The following DYNC2I1 variants were observed in gnomAD, a reference collection of about 807,000 sequenced individuals.
DYNC2I1 encodes cytoplasmic dynein 2 intermediate chain 1.
Under a neutral mutation model 133.4 loss-of-function variants are expected in DYNC2I1, and 89 were observed. The observed-to-expected ratio is 0.67, with a 90% CI of 0.56 to 0.80. DYNC2I1 has a LOEUF of 0.80. Among genes scored for constraint, DYNC2I1 ranks in the 30% least tolerant of loss-of-function variants. The pLI is 0.00. For missense variants in DYNC2I1, 1,291 were observed against 1,314.5 expected (o/e 0.98, Z 0.28); for synonymous variants, 504 against 484.3 (o/e 1.04, Z -0.54).
At chr7:158,874,068 A>G (rs1018673546) in intron 3 of DYNC2I1, among the ~76,000 whole-genome samples, 8 of 151,562 alleles carry the variant, frequency 5.3e-5, no homozygotes, top group Non-Finnish European at 1.2e-4. Context: ...CAGCACCTGG[A>G]TAATTAAAAA....
chr7:158,936,489 G>A (rs1850767548), intron 23 of DYNC2I1, among the ~76,000 whole-genome samples: 1 of 152,220 alleles, frequency 6.6e-6, no homozygotes, highest in Non-Finnish European at 1.5e-5. Context: ...TTAACTCATG[G>A]TTTGTGAAAG....
At chr7:158,843,463 T>C in the DYNC2I1 span, among the ~76,000 whole-genome samples, 1 of 152,230 alleles carries the variant, frequency 6.6e-6, no homozygotes, top group Non-Finnish European at 1.5e-5. Context: ...TTTTGCCATG[T>C]TGGCCAGGCT....
intron 11 of DYNC2I1, among the ~76,000 whole-genome samples, 152 bp downstream of exon 11, chr7:158,906,243 CTTATG>C (rs1846797768): frequency 6.6e-6 from 1 of 152,106 alleles, no homozygotes; most frequent in Non-Finnish European, 1.5e-5. Context: ...GTGTTGAGAT[CTTATG>C]TTAGTAGAGC....
chr7:158,946,671 G>A (rs2129490012), downstream of DYNC2I1, among the ~76,000 whole-genome samples: 1 of 152,376 alleles, frequency 6.6e-6, no homozygotes, highest in African/African-American at 2.4e-5. Flanking sequence ...GGCTTTGAAT[G>A]TTGGAGGGAC....
Position 158,934,802 on chromosome 7 carries a change from C to T in DYNC2I1, c.2778+253C>T, listed in dbSNP as rs576854621. 3.9e-5 allele frequency among the ~76,000 whole-genome samples: 6 copies of T among 152,234 alleles called. No homozygotes were observed. The South Asian group carries it at 1.2e-3, about 32-fold the overall frequency. On this transcript the variant is annotated intron_variant, in intron 23 of 24. Coordinates refer to ENST00000407559, the MANE Select transcript of DYNC2I1 (RefSeq NM_018051.5). The stretch of plus-strand genomic sequence containing the variant: ...ACGAGGTCTCCCTGTGTTGCCTAGG[C>T]TTGCCAGTTCTTTTTAGTGATACTC...
chr7:158,859,369 TTC>T (rs1490780223), intron 1 of DYNC2I1, among the ~76,000 whole-genome samples: 2 of 152,166 alleles, frequency 1.3e-5, no homozygotes, highest in African/African-American at 2.4e-5. Context: ...AACATTTTCT[TTC>T]TCTCCAGAAG....
intron 1 of DYNC2I1, among the ~76,000 whole-genome samples, chr7:158,865,926 A>C (rs1025376944): frequency 1.3e-5 from 2 of 152,188 alleles, no homozygotes; most frequent in Non-Finnish European, 2.9e-5. Flanking sequence ...ACTTGAGGGT[A>C]AACAGTCCAT....
intron 19 of DYNC2I1, among the ~76,000 whole-genome samples, 191 bp from the exon 20 acceptor site, chr7:158,926,801 C>A (rs1353358151): frequency 6.6e-6 from 1 of 152,190 alleles, no homozygotes; most frequent in Non-Finnish European, 1.5e-5. Context: ...GTGAAGAGAA[C>A]ACGAGGAGAT....
chr7:158,886,921 C>A, intron 6 of DYNC2I1, 100 bp from the exon 7 acceptor site: 2 of 1,135,576 alleles, frequency 1.8e-6, no homozygotes, highest in Non-Finnish European at 2.6e-6. Flanking sequence ...TTAATCATAT[C>A]AAAATATTGT....
intron 14 of DYNC2I1, among the ~76,000 whole-genome samples, chr7:158,916,018 G>A (rs1434100976): frequency 1.1e-5 from 1 of 89,796 alleles, no homozygotes; most frequent in Admixed American, 1.1e-4. Context: ...AAGGATGATT[G>A]TGAAACGTCT....
rs76115834 is a variant in DYNC2I1, at chr7:158,876,637, T to C, written c.519T>C (p.Asp173=). Residue 173 remains aspartate (D), a synonymous_variant, in exon 4 of 25, where the codon GAT becomes GAC. Coordinates refer to ENST00000407559, the MANE Select transcript of DYNC2I1 (RefSeq NM_018051.5). ...SVSKVRSEEK[D]EDSERGDEDR... Reference sequence around the variant, plus strand: ...GTAAAGTAAGAAGTGAAGAGAAAGATGAAGACTCTGAAAGAGGAGATGAAG... The same window carrying C: ...GTAAAGTAAGAAGTGAAGAGAAAGACGAAGACTCTGAAAGAGGAGATGAAG... The C allele has an allele frequency of 5.0e-4, 793 of 1,582,184 alleles. 4 individuals carry two copies. The East Asian group carries it at 0.011, about 21-fold the overall frequency.
Position 158,901,774 on chromosome 7 carries a change from T to C in DYNC2I1, c.1095T>C (p.Ala365=), listed in dbSNP as rs1846283733. Residue 365 remains alanine (A), a synonymous_variant, in exon 9 of 25, where the codon GCT becomes GCC. Transcript: ENST00000407559. ...IEKEETDLEN[A]RADAYTASCE... ...AGGAAGAAACTGATTTAGAAAATGC[T>C]AGAGCTGATGCATATACAGCCAGTT... 5 of 1,583,834 alleles carry C rather than the reference T, an allele frequency of 3.2e-6. No homozygotes were observed. Among genetic ancestry groups the C allele is most frequent in the Non-Finnish European group, 4.3e-6 (5 of 1,164,934 alleles).
At chr7:158,920,323 G>C (rs980745612) in intron 15 of DYNC2I1, among the ~76,000 whole-genome samples, 5 of 149,892 alleles carry the variant, frequency 3.3e-5, no homozygotes, top group Non-Finnish European at 7.4e-5. Flanking sequence ...ATACTGCAGC[G>C]CCGGGCCTCC....
intron 23 of DYNC2I1, 110 bp from the exon 24 acceptor site, chr7:158,941,815 T>C (rs1851398245): frequency 1.6e-6 from 2 of 1,287,998 alleles, no homozygotes; most frequent in Non-Finnish European, 2.2e-6. Context: ...GAGGTCAAGC[T>C]GCCATGAGCT....
intron 8 of DYNC2I1, among the ~76,000 whole-genome samples, chr7:158,893,248 C>G (rs1324991845): frequency 1.3e-5 from 2 of 152,122 alleles, no homozygotes. Flanking sequence ...CCCTCCCTTC[C>G]CCCTTATTCA....
At chr7:158,897,820 C>G (rs1218682730) in intron 8 of DYNC2I1, among the ~76,000 whole-genome samples, 1 of 151,936 alleles carries the variant, frequency 6.6e-6, no homozygotes, top group East Asian at 1.9e-4. Context: ...CTAGTTAATC[C>G]AAGCTAGAAA....
At chr7:158,880,130 T>G (rs1008970563) in intron 5 of DYNC2I1, 141 bp downstream of exon 5, 2 of 887,580 alleles carry the variant, frequency 2.3e-6, no homozygotes, top group Non-Finnish European at 3.4e-6. Flanking sequence ...AACTCAAGTC[T>G]TGATTACGTG....
chr7:158,854,010 G>T (rs1841112526), upstream of DYNC2I1, among the ~76,000 whole-genome samples: 2 of 144,744 alleles, frequency 1.4e-5, no homozygotes, highest in African/African-American at 2.6e-5. Context: ...GAGTTTGAAG[G>T]ATAATTTAGT....
intron 8 of DYNC2I1, among the ~76,000 whole-genome samples, chr7:158,898,710 T>G (rs115798172): frequency 2.0e-5 from 3 of 152,214 alleles, no homozygotes; most frequent in African/African-American, 7.2e-5. Flanking sequence ...ATTATTGATA[T>G]ATTGGATTAG....
Sources: allele counts gnomAD v4.1 joint callset (sites outside exome capture counted in the v4.1 genomes callset), GRCh38; gene constraint gnomAD v4.1.1; transcripts MANE v1.5; gene names NCBI Gene and HGNC (gene_info 2026-07-23, HGNC 2026-07-21).